Variants in CORO1A observed in about 807,000 individuals in gnomAD.
The protein encoded by CORO1A is coronin 1A.
Under a neutral mutation model 44.1 loss-of-function variants are expected in CORO1A, and 17 were observed. The observed-to-expected ratio is 0.39, with a 90% confidence interval of 0.26 to 0.58. The LOEUF is 0.58. CORO1A is among the 20% of genes least tolerant of loss of function. The probability of loss-of-function intolerance (pLI) is 0.62; values close to 1 mark genes in which losing one functional copy is unlikely to be tolerated. For synonymous variants in CORO1A, 271 were observed against 244.2 expected, an observed-to-expected ratio of 1.11 and a Z score of -1.02; for missense variants, 415 against 606.5, an observed-to-expected ratio of 0.68 and a Z score of 3.32.
At chr16:30,187,872 G>A in intron 7 of CORO1A, 43 bp downstream of exon 7, 1 of 1,606,364 alleles carries the variant, frequency 6.2e-7, no homozygotes, top group Non-Finnish European at 8.5e-7. Flanking sequence ...TGGGCAGGAT[G>A]GGCCTGGAGA....
At chr16:30,186,377 C>T (rs1238442545) in intron 2 of CORO1A, 3 of 591,938 alleles carry the variant, frequency 5.1e-6, no homozygotes, top group Middle Eastern at 9.1e-4. Context: ...TTGCACGGCC[C>T]CCAACCTCTG....
chr16:30,188,643 T>C, intron 10 of CORO1A, 67 bp downstream of exon 10: 1 of 1,199,564 alleles, frequency 8.3e-7, no homozygotes, highest in Non-Finnish European at 1.2e-6. Flanking sequence ...TTGGGGCACC[T>C]CAAACTCACA....
Position 30,186,950 on chromosome 16 carries a change from T to C in CORO1A, c.451+5T>C. 1 of 1,612,916 alleles carries C rather than the reference T, an allele frequency of 6.2e-7. No individual in the cohort carries two copies. The highest frequency in any genetic ancestry group is 8.5e-7 in the Non-Finnish European group (1 of 1,179,898). On this transcript the variant is annotated splice_donor_5th_base_variant and intron_variant, in intron 4 of 10. Transcript: ENST00000219150. ...AGAACGTGCTGCTCAGTGCAGGTGC[T>C]GCGGGAGGAGGGGCTTGGGGGTGGC...
chr16:30,186,824 G>A lies in CORO1A; in HGVS notation c.330G>A (p.Glu110=). 1 of 1,610,900 alleles carries A rather than the reference G, an allele frequency of 6.2e-7. No individual in the cohort carries two copies. Among genetic ancestry groups the A allele is most frequent in the Non-Finnish European group, 8.5e-7 (1 of 1,179,996 alleles). ...TGGCCCCTCCTCTGCAGGTGTGGGA[G>A]ATCCCAGATGGGGGCCTGATGCTGC... ...GSEDCTVMVW[E]IPDGGLMLPL... Residue 110 remains glutamate, a synonymous_variant, in exon 4 of 11, where the codon GAG becomes GAA. Coordinates refer to ENST00000219150, the MANE Select transcript of CORO1A (RefSeq NM_007074.4).
Position 30,185,369 on chromosome 16 carries a change from A to T in CORO1A, c.160A>T (p.Ser54Cys), listed in dbSNP as rs765072469. 7 of 1,614,084 alleles carry T rather than the reference A, an allele frequency of 4.3e-6. No homozygotes were observed. The South Asian group carries it at 6.6e-5, about 15-fold the overall frequency. The change falls in exon 2 of 11, where the codon AGC becomes TGC. Residue 54 changes from serine (S) to cysteine (C), a missense_variant. By Grantham distance (112) the Ser-to-Cys change is moderately radical. Coordinates refer to ENST00000219150, the MANE Select transcript of CORO1A (RefSeq NM_007074.4). ...PKFVALICEASGGGAFLVLPL... is the reference protein window; with the variant it reads ...PKFVALICEACGGGAFLVLPL... ...GTTTGTGGCCCTGATCTGTGAGGCC[A>T]GCGGGGGAGGGGCCTTCCTGGTGCT...
At position 30,187,213 on chromosome 16, in the gene CORO1A, C is replaced by T. The variant is rs1470042501; in HGVS notation, c.626C>T (p.Thr209Ile). 1 of 1,612,320 alleles carries T rather than the reference C, an allele frequency of 6.2e-7. No homozygotes were observed. Among genetic ancestry groups the T allele is most frequent in the African/African-American group, 1.3e-5 (1 of 74,934 alleles). Residue 209 changes from threonine to isoleucine, a missense_variant, in exon 5 of 11, where the codon ACT (threonine) becomes ATT (isoleucine). Thr to Ile is a moderately conservative substitution (Grantham distance 89, BLOSUM62 -1). Transcript: ENST00000219150. The part of the protein sequence containing the change: ...RVRIIEPRKG[T>I]VVAEKDRPHE... Reference sequence around the variant, plus strand: ...CGCATCATCGAGCCCCGCAAAGGCACTGTCGTAGCTGTGAGTCGCCATCTA... The same window carrying T: ...CGCATCATCGAGCCCCGCAAAGGCATTGTCGTAGCTGTGAGTCGCCATCTA...
In CORO1A at chr16:30,186,694, A is replaced by G; in HGVS notation, c.295A>G (p.Ser99Gly). The G allele has an allele frequency of 6.2e-7, 1 of 1,612,836 alleles. No homozygotes were observed. Among genetic ancestry groups the G allele is most frequent in the Non-Finnish European group, 8.5e-7 (1 of 1,179,790 alleles). ...CCCGCACAATGACAACGTCATTGCCAGTGGCTCCGAGGACTGCACAGTCAT... is the reference window on the plus strand; with the variant it reads ...CCCGCACAATGACAACGTCATTGCCGGTGGCTCCGAGGACTGCACAGTCAT... ...WCPHNDNVIA[S>G]GSEDCTVMVW... Residue 99 changes from serine to glycine, a missense_variant, in exon 3 of 11, where the codon AGT becomes GGT. Transcript: ENST00000219150.
Position 30,187,707 on chromosome 16 carries a change from T to A in CORO1A, c.757-18T>A. The A allele has an allele frequency of 6.3e-7, 1 of 1,589,110 alleles. No individual in the cohort carries two copies. Among genetic ancestry groups the A allele is most frequent in the South Asian group, 1.1e-5 (1 of 90,596 alleles). On this transcript the variant is annotated intron_variant, in intron 6 of 10. Coordinates refer to ENST00000219150, the MANE Select transcript of CORO1A (RefSeq NM_007074.4). ...CCATCCCAGGGCCTGGGATGTTACC[T>A]CTCACCTGTGTCTACAGAAGCACCT...
At position 30,185,129 on chromosome 16, in the gene CORO1A, G is replaced by T; in HGVS notation, c.-1-80G>T. 3.6e-6 allele frequency: 5 copies of T among 1,395,828 alleles called. No homozygotes were observed. In the Admixed American group the frequency reaches 8.8e-5, roughly 25 times the overall value. 86.5% of individuals were successfully genotyped at this position (1,395,828 alleles called of 1,614,324 possible). ...GGGACCTTAAAAGCCAGACTGAGGG[G>T]TGTCCTGGGGGAGGTGGGGACCACT... On this transcript the variant is annotated intron_variant, in intron 1 of 10. Transcript: ENST00000219150.
intron 1 of CORO1A, 193 bp from the exon 2 acceptor site, chr16:30,185,016 C>G: frequency 1.5e-6 from 1 of 652,480 alleles, no homozygotes. Context: ...GAGAAGGGGG[C>G]TTGCAGGTTA....
chr16:30,187,313 G>C, intron 5 of CORO1A, 69 bp from the exon 6 acceptor site: 1 of 1,605,302 alleles, frequency 6.2e-7, no homozygotes, highest in Non-Finnish European at 8.5e-7. Flanking sequence ...GCCCTCCCTC[G>C]CCTCCACCTG....
rs1406273016 is a variant in CORO1A at position 30,187,365 on chromosome 16, C to T, written c.637-17C>T. ...GTATGTACGGGTGCCTGACCTACCACCTCCCTTTCCTTGCAGGAGAAGGAC... is the reference window on the plus strand; with the variant it reads ...GTATGTACGGGTGCCTGACCTACCATCTCCCTTTCCTTGCAGGAGAAGGAC... On this transcript the variant is annotated splice_polypyrimidine_tract_variant and intron_variant, in intron 5 of 10. Transcript: ENST00000219150. The T allele has an allele frequency of 1.2e-6, 2 of 1,609,678 alleles. No homozygotes were observed. Among genetic ancestry groups the T allele is most frequent in the Middle Eastern group, 1.6e-4 (1 of 6,084 alleles).
rs1416150566 is a variant in CORO1A at position 30,187,732 on chromosome 16, T to C, written c.764T>C (p.Leu255Pro). 1.2e-6 allele frequency: 2 copies of C among 1,611,036 alleles called. No homozygotes were observed. Among genetic ancestry groups the C allele is most frequent in the African/African-American group, 1.3e-5 (1 of 74,870 alleles). ...RQVALWDTKH[L>P]EEPLSLQELD... ...TCTCACCTGTGTCTACAGAAGCACC[T>C]GGAGGAGCCGCTGTCCCTGCAGGAG... Residue 255 changes from leucine to proline, a missense_variant, in exon 7 of 11, where the codon CTG becomes CCG. Transcript: ENST00000219150.
Position 30,187,984 on chromosome 16 carries a change from C to T in CORO1A, c.904C>T (p.Pro302Ser). Residue 302 changes from proline to serine, a missense_variant, in exon 8 of 11, where the codon CCT becomes TCT. Physicochemically the swap from Pro to Ser is moderately conservative, Grantham distance 74. Around this residue, in one of 2 missense-constraint regions of CORO1A, gnomAD observed 325 missense variants for 521.7 expected, o/e 0.62. Coordinates refer to ENST00000219150, the MANE Select transcript of CORO1A (RefSeq NM_007074.4). ...GTACTTTGAGATCACTTCCGAGGCC[C>T]CTTTCCTGCACTATCTCTCCATGTT... The part of the protein sequence containing the change: ...IRYFEITSEA[P>S]FLHYLSMFSS... 3 of 1,614,102 alleles carry T rather than the reference C, an allele frequency of 1.9e-6. No individual in the cohort carries two copies. Among genetic ancestry groups the T allele is most frequent in the Non-Finnish European group, 2.5e-6 (3 of 1,180,010 alleles).
At position 30,188,536 on chromosome 16, in the gene CORO1A, G is replaced by A. The variant is rs764551339; in HGVS notation, c.1241G>A (p.Arg414His). ...LRVNRGLDTG[R>H]RRAAPEASGT... ...GTCAACCGGGGCCTGGACACCGGGC[G>A]CAGGAGGGCAGCACCAGAGGCCAGT... is the stretch of plus-strand genomic sequence containing the variant. The change falls in exon 10 of 11, where the codon CGC (arginine) becomes CAC (histidine). Residue 414 changes from arginine (R) to histidine (H), a missense_variant. This residue lies in a region of CORO1A where 90 missense variants were observed against 84.7 expected (regional missense o/e 1.06). Coordinates refer to ENST00000219150, the MANE Select transcript of CORO1A (RefSeq NM_007074.4). The A allele has an allele frequency of 6.0e-5, 96 of 1,611,344 alleles. No homozygotes were observed. The highest frequency in any genetic ancestry group is 7.3e-5 in the Non-Finnish European group (86 of 1,179,562).
Position 30,183,963 on chromosome 16 carries a change from T to C in CORO1A, c.-2+238T>C, listed in dbSNP as rs1311347793. On this transcript the variant is annotated intron_variant, in intron 1 of 10. Transcript: ENST00000219150. This position sits in a 1 kb window ranked among gnomAD's most constrained non-coding sequence, Gnocchi z 5.0. Reference sequence around the variant, plus strand: ...GGGACCACCGCGGCCAAGATGGAGGTGGGTGGCCGGGGGTCAGCACAGTGT... The same window carrying C: ...GGGACCACCGCGGCCAAGATGGAGGCGGGTGGCCGGGGGTCAGCACAGTGT... 2 of 147,318 alleles carry C rather than the reference T, an allele frequency of 1.4e-5. No homozygotes were observed. Among genetic ancestry groups the C allele is most frequent in the Non-Finnish European group, 3.0e-5 (2 of 66,726 alleles). 9.1% of individuals were successfully genotyped at this position (147,318 alleles called of 1,614,324 possible). A position where few individuals can be genotyped will look rare whatever the true frequency, so the allele number is the denominator to read the frequency against.
chr16:30,183,906 G>A lies in CORO1A; in HGVS notation c.-2+181G>A, dbSNP rs981032283. On this transcript the variant is annotated intron_variant, in intron 1 of 10. Transcript: ENST00000219150. This position sits in a 1 kb window ranked among gnomAD's most constrained non-coding sequence, Gnocchi z 5.0. ...CGCTGCTTGGAGTGGGGGCCGCCGG[G>A]GCCCCAGAGCGCTCTGCGGAGGCGA... 6.6e-6 allele frequency: 1 copy of A among 152,018 alleles called. No homozygotes were observed. The allele number at this position is 152,018 out of a possible 1,614,324, so 9.4% of individuals were successfully genotyped here. A position where few individuals can be genotyped will look rare whatever the true frequency, so the allele number is the denominator to read the frequency against.
At position 30,186,654 on chromosome 16, in the gene CORO1A, A is replaced by T. The variant is rs773468991; in HGVS notation, c.255A>T (p.Leu85=). The T allele has an allele frequency of 4.3e-6, 7 of 1,613,154 alleles. No homozygotes were observed. Among genetic ancestry groups the T allele is most frequent in the Non-Finnish European group, 5.1e-6 (6 of 1,179,934 alleles). The part of the protein sequence containing the change: ...PTVCGHTAPV[L]DIAWCPHNDN... ...TCTGTGGCCACACAGCCCCTGTGCT[A>T]GACATCGCCTGGTGCCCGCACAATG... is the stretch of plus-strand genomic sequence containing the variant. Residue 85 remains leucine, a synonymous_variant, in exon 3 of 11, where the codon CTA becomes CTT. Coordinates refer to ENST00000219150, the MANE Select transcript of CORO1A (RefSeq NM_007074.4).
intron 4 of CORO1A, 29 bp from the exon 5 acceptor site, chr16:30,187,010 T>A: frequency 1.2e-6 from 2 of 1,613,724 alleles, no homozygotes; most frequent in Non-Finnish European, 1.7e-6. Context: ...AGGAGGCTCA[T>A]GGCTTCTGAC....
Sources: gnomAD v4.1 joint callset for allele counts on GRCh38, gnomAD v4.1.1 for gene constraint, gnomAD v4.1.1 regional missense constraint, Gnocchi (gnomAD v3.1) non-coding constraint, MANE v1.5 for transcripts, NCBI Gene and HGNC (gene_info 2026-07-23, HGNC 2026-07-21) for gene names.